The following USP49 variants were observed in gnomAD, a reference collection of about 807,000 sequenced individuals.
USP49 encodes ubiquitin carboxyl-terminal hydrolase 49.
A neutral mutation model predicts 58.6 loss-of-function variants in USP49; 24 were observed. The ratio of observed to expected loss-of-function variants is 0.41; its 90% CI spans 0.30 to 0.58. USP49 has a LOEUF of 0.58. USP49 is among the 20% of genes least tolerant of loss of function. USP49 has a pLI of 0.30. For synonymous variants in USP49, 408 were observed against 365.1 expected, an observed-to-expected ratio of 1.12 and a Z score of -1.34; for missense variants, 703 against 866.1, an observed-to-expected ratio of 0.81 and a Z score of 2.36.
chr6:41,861,651 C>G (rs901386499), intron 3 of USP49, among the ~76,000 whole-genome samples: 3 of 151,794 alleles, frequency 2.0e-5, no homozygotes, highest in Non-Finnish European at 4.4e-5. Context: ...CTAAATTTTT[C>G]CTCTTTTAAC....
At chr6:41,854,225 G>C (rs1217950190) in intron 3 of USP49, among the ~76,000 whole-genome samples, 3 of 150,084 alleles carry the variant, frequency 2.0e-5, no homozygotes, top group African/African-American at 7.4e-5. Flanking sequence ...GCTGAGGCAG[G>C]AGAATCTCTT....
chr6:41,807,059 T>C (rs958876446), intron 3 of USP49, 48 bp from the exon 4 acceptor site: 19 of 1,301,178 alleles, frequency 1.5e-5, no homozygotes, highest in African/African-American at 4.7e-5. Flanking sequence ...GAAAACACTT[T>C]TAGAAAAATA....
chr6:41,808,896 AATCT>A (rs1049569044), intron 3 of USP49, among the ~76,000 whole-genome samples: 126 of 151,960 alleles, frequency 8.3e-4, no homozygotes, highest in African/African-American at 2.8e-3. Flanking sequence ...TGTCCTATCT[AATCT>A]ATCTATCTAT....
chr6:41,791,719 T>TA lies in USP49; in HGVS notation c.*4813dup, dbSNP rs1406496183. ...GTGCCTGCCACAATGCTATAGTAGCTATGGTGTATTTAGTGCAGAGTGTGG... is the reference window on the plus strand; with the variant it reads ...GTGCCTGCCACAATGCTATAGTAGCTAATGGTGTATTTAGTGCAGAGTGTGG... On this transcript the variant is annotated 3_prime_UTR_variant, in exon 8 of 8. Coordinates refer to ENST00000682992, the MANE Select transcript of USP49 (RefSeq NM_001286554.2). 1 of 152,252 alleles carries TA rather than the reference T, an allele frequency of 6.6e-6. No homozygotes were observed. Among genetic ancestry groups the TA allele is most frequent in the Non-Finnish European group, 1.5e-5 (1 of 68,056 alleles). The allele number at this position is 152,252 out of a possible 1,614,324, so 9.4% of individuals were successfully genotyped here.
intron 2 of USP49, chr6:41,872,971 T>C (rs1774440279): frequency 6.6e-6 from 1 of 151,916 alleles, no homozygotes; most frequent in Non-Finnish European, 1.5e-5. Flanking sequence ...CCAGTCCCCT[T>C]GGAGTAGGTG....
intron 3 of USP49, among the ~76,000 whole-genome samples, chr6:41,838,821 A>T (rs1773770794): frequency 6.6e-6 from 1 of 152,230 alleles, no homozygotes; most frequent in African/African-American, 2.4e-5. Flanking sequence ...GATAGACCAC[A>T]TATAGGTCAC....
intron 3 of USP49, among the ~76,000 whole-genome samples, chr6:41,847,012 G>A (rs183858789): frequency 4.7e-4 from 71 of 152,268 alleles, no homozygotes; most frequent in African/African-American, 1.3e-3. Flanking sequence ...GAGAGATCCT[G>A]GAAACAACAA....
intron 3 of USP49, among the ~76,000 whole-genome samples, chr6:41,810,859 G>T (rs1250252808): frequency 2.0e-5 from 3 of 151,948 alleles, no homozygotes; most frequent in Non-Finnish European, 4.4e-5. Flanking sequence ...GTGCCCGGCC[G>T]GTAGTTCCTC....
chr6:41,826,820 C>G (rs1048123270), intron 3 of USP49, among the ~76,000 whole-genome samples: 1 of 152,142 alleles, frequency 6.6e-6, no homozygotes, highest in African/African-American at 2.4e-5. Context: ...CTGTGGAGGA[C>G]TGTGGAGGAC....
intron 3 of USP49, among the ~76,000 whole-genome samples, chr6:41,845,477 G>A (rs896966530): frequency 5.9e-5 from 9 of 151,636 alleles, no homozygotes; most frequent in Non-Finnish European, 1.0e-4. Flanking sequence ...CTGAGATGGC[G>A]CCATTGCACT....
At position 41,791,684 on chromosome 6, in the gene USP49, A is replaced by C. The variant is rs941614774; in HGVS notation, c.*4849T>G. 6.6e-6 allele frequency: 1 copy of C among 152,256 alleles called. No individual in the cohort carries two copies. Among genetic ancestry groups the C allele is most frequent in the Non-Finnish European group, 1.5e-5 (1 of 68,052 alleles). 9.4% of individuals were successfully genotyped at this position (152,256 alleles called of 1,614,324 possible). On this transcript the variant is annotated 3_prime_UTR_variant, in exon 8 of 8. Transcript: ENST00000682992. ...GCCAGCAGAAGTATGGAATGAGTCCACAAAAATGAGTGCCTGCCACAATGC... is the reference window on the plus strand; with the variant it reads ...GCCAGCAGAAGTATGGAATGAGTCCCCAAAAATGAGTGCCTGCCACAATGC...
intron 3 of USP49, among the ~76,000 whole-genome samples, chr6:41,856,467 C>T (rs916814955): frequency 1.3e-5 from 2 of 152,118 alleles, no homozygotes; most frequent in Admixed American, 1.3e-4. Flanking sequence ...GCTTTGCATT[C>T]CCAAATAGCT....
intron 3 of USP49, among the ~76,000 whole-genome samples, chr6:41,832,115 G>GT (rs149533271): frequency 0.035 from 5,215 of 148,436 alleles, 106 homozygotes; most frequent in Middle Eastern, 0.072. Flanking sequence ...AGTCTGTACT[G>GT]TTTTTTTTTT....
chr6:41,858,345 C>T (rs1458154593), intron 3 of USP49, among the ~76,000 whole-genome samples: 2 of 152,076 alleles, frequency 1.3e-5, no homozygotes, highest in Admixed American at 6.6e-5. Context: ...TAAGTCACAG[C>T]GTTCATGTTA....
intron 3 of USP49, among the ~76,000 whole-genome samples, chr6:41,820,380 C>G (rs1335861013): frequency 6.6e-6 from 1 of 152,114 alleles, no homozygotes; most frequent in Non-Finnish European, 1.5e-5. Context: ...CTCCCTACCA[C>G]CACCCTTAGT....
At chr6:41,884,925 CAAAGTT>C (rs1254455057) in intron 2 of USP49, among the ~76,000 whole-genome samples, 1 of 152,068 alleles carries the variant, frequency 6.6e-6, no homozygotes. Flanking sequence ...CTTTAAATGA[CAAAGTT>C]AAATGAAAAA....
intron 3 of USP49, among the ~76,000 whole-genome samples, chr6:41,827,256 G>C (rs2127338851): frequency 6.6e-6 from 1 of 152,300 alleles, no homozygotes; most frequent in African/African-American, 2.4e-5. Flanking sequence ...CTAGACCCTA[G>C]TTATGACTTC....
At chr6:41,875,005 A>C (rs1774478977) in intron 2 of USP49, among the ~76,000 whole-genome samples, 1 of 152,094 alleles carries the variant, frequency 6.6e-6, no homozygotes, top group African/African-American at 2.4e-5. Flanking sequence ...AGAGAGAGAG[A>C]GAAAGAAAGA....
At chr6:41,833,101 C>T (rs922993621) in intron 3 of USP49, 1 of 151,552 alleles carries the variant, frequency 6.6e-6, no homozygotes, top group Non-Finnish European at 1.5e-5. Context: ...ACTGCAACCT[C>T]CACCTCCCAG....
Sources: allele counts gnomAD v4.1 joint callset (sites outside exome capture counted in the v4.1 genomes callset), GRCh38; gene constraint gnomAD v4.1.1; transcripts MANE v1.5; gene names NCBI Gene and HGNC (gene_info 2026-07-23, HGNC 2026-07-21).